Variants in EDA observed in about 807,000 individuals in gnomAD.
The protein encoded by EDA is ectodysplasin-A.
In EDA, 2 loss-of-function variants were observed where a neutral mutation model predicts 23.6. That is an observed-to-expected ratio of 0.08 (90% CI 0.03 to 0.27). The LOEUF is 0.27. Among genes scored for constraint, EDA ranks in the 10% least tolerant of loss-of-function variants. EDA has a pLI of 1.00. For synonymous variants in EDA, 131 were observed against 132.0 expected, an observed-to-expected ratio of 0.99 and a Z score of 0.05; for missense variants, 229 against 324.2, an observed-to-expected ratio of 0.71 and a Z score of 2.26.
rs779485359 is a variant in EDA at position 69,851,701 on chromosome X, C to T, written c.397-105326C>T. 3.6e-5 allele frequency among the ~76,000 whole-genome samples: 4 copies of T among 111,928 alleles called. No individual in the cohort carries two copies. The South Asian group carries it at 1.5e-3, about 42-fold the overall frequency. Reference sequence around the variant, plus strand: ...TAGTTCCAAGAACTTTTATTTCTCCCTTTTATACAACTGGAAATGAAGGCA... The same window carrying T: ...TAGTTCCAAGAACTTTTATTTCTCCTTTTTATACAACTGGAAATGAAGGCA... On this transcript the variant is annotated intron_variant, in intron 1 of 7. Transcript: ENST00000374552.
At chrX:69,777,066 G>T (rs1375548006) in intron 1 of EDA, among the ~76,000 whole-genome samples, 2 of 110,888 alleles carry the variant, frequency 1.8e-5, no homozygotes, top group Non-Finnish European at 3.8e-5. Context: ...TTTAGTCAGG[G>T]ATTATTTTCC....
chrX:69,821,367 C>G (rs1341875666), intron 1 of EDA, among the ~76,000 whole-genome samples: 3 of 109,925 alleles, frequency 2.7e-5, no homozygotes, highest in African/African-American at 1.0e-4. Context: ...TGTAACAAAC[C>G]TGCACATCCT....
intron 1 of EDA, among the ~76,000 whole-genome samples, chrX:69,940,998 T>C (rs2018749642): frequency 8.9e-6 from 1 of 111,927 alleles, no homozygotes; most frequent in Non-Finnish European, 1.9e-5. Flanking sequence ...CAAGAAATTT[T>C]TTAATTTCCT....
intron 1 of EDA, among the ~76,000 whole-genome samples, chrX:69,700,964 G>A (rs1050151353): frequency 6.3e-5 from 7 of 110,816 alleles, no homozygotes; most frequent in African/African-American, 1.6e-4. Flanking sequence ...AAGAAAGAGC[G>A]AGTGAAGGAA....
intron 1 of EDA, among the ~76,000 whole-genome samples, chrX:69,823,475 T>G (rs1482688207): frequency 1.2e-5 from 1 of 86,040 alleles, no homozygotes; most frequent in African/African-American, 4.9e-5. Context: ...TCATATGTTT[T>G]TTGGCTGCAT....
At position 69,616,642 on chromosome X, in the gene EDA, A is replaced by G; in HGVS notation, c.334A>G (p.Lys112Glu). Residue 112 changes from lysine to glutamate, a missense_variant, in exon 1 of 8, where the codon AAG (lysine) becomes GAG (glutamate). Transcript: ENST00000374552. Reference sequence around the variant, plus strand: ...CAGTCACCTTGGGCAGCCGTCACCTAAGCAGCAGCCATTGGAACCGGGAGA... The same window carrying G: ...CAGTCACCTTGGGCAGCCGTCACCTGAGCAGCAGCCATTGGAACCGGGAGA... ...ITSHLGQPSP[K>E]QQPLEPGEAA... 8.3e-7 allele frequency: 1 copy of G among 1,210,851 alleles called. No individual in the cohort carries two copies. Among genetic ancestry groups the G allele is most frequent in the Admixed American group, 2.2e-5 (1 of 46,059 alleles).
intron 1 of EDA, among the ~76,000 whole-genome samples, chrX:69,818,317 A>C (rs1337257467): frequency 9.0e-6 from 1 of 111,302 alleles, no homozygotes; most frequent in Non-Finnish European, 1.9e-5. Flanking sequence ...AGAACTAGAG[A>C]ACCAAGAGCA....
chrX:69,925,161 G>T (rs1246155097), intron 1 of EDA, among the ~76,000 whole-genome samples: 1 of 111,217 alleles, frequency 9.0e-6, no homozygotes, highest in Non-Finnish European at 1.9e-5. Flanking sequence ...TTGCCTGATT[G>T]CCCTGGCCAC....
intron 1 of EDA, among the ~76,000 whole-genome samples, chrX:69,673,480 C>A (rs772996010): frequency 9.0e-6 from 1 of 111,022 alleles, no homozygotes; most frequent in East Asian, 2.8e-4. Context: ...AGTTAAGGAA[C>A]GGAAAGGTCA....
At chrX:69,832,777 A>G (rs2016651366) in intron 1 of EDA, among the ~76,000 whole-genome samples, 1 of 111,171 alleles carries the variant, frequency 9.0e-6, no homozygotes, top group Non-Finnish European at 1.9e-5. Flanking sequence ...TTGGATTCCT[A>G]GGTATTTTAT....
At chrX:70,008,731 G>A (rs2091476356) in intron 2 of EDA, among the ~76,000 whole-genome samples, 1 of 110,618 alleles carries the variant, frequency 9.0e-6, no homozygotes, top group South Asian at 3.9e-4. Flanking sequence ...TAGATTTGGG[G>A]GTACATGTGC....
intron 1 of EDA, among the ~76,000 whole-genome samples, chrX:69,707,691 A>G (rs747314591): frequency 9.0e-6 from 1 of 111,617 alleles, no homozygotes; most frequent in African/African-American, 3.2e-5. Flanking sequence ...CACAGGTTCT[A>G]TATCCATAAT....
In EDA at chrX:69,714,172, A is replaced by G. The variant is rs145462123; in HGVS notation, c.396+97468A>G. Reference sequence around the variant, plus strand: ...TTTAATTTCCCTGATGGCTAATAATATTGAACATCTTTTCATGTATTGATC... The same window carrying G: ...TTTAATTTCCCTGATGGCTAATAATGTTGAACATCTTTTCATGTATTGATC... On this transcript the variant is annotated intron_variant, in intron 1 of 7. Transcript: ENST00000374552. Among the ~76,000 whole-genome samples the G allele has an allele frequency of 6.5e-3, 720 of 111,252 alleles. 1 individual carries two copies. Among genetic ancestry groups the G allele is most frequent in the Middle Eastern group, 0.014 (3 of 218 alleles).
At chrX:69,911,147 C>T (rs1489251465) in intron 1 of EDA, among the ~76,000 whole-genome samples, 4 of 111,970 alleles carry the variant, frequency 3.6e-5, no homozygotes, top group African/African-American at 1.3e-4. Context: ...TATAAACCCT[C>T]TCTCCCCTGC....
chrX:69,621,749 T>G (rs1026872707), intron 1 of EDA, among the ~76,000 whole-genome samples: 58 of 111,266 alleles, frequency 5.2e-4, no homozygotes, highest in African/African-American at 1.7e-3. Flanking sequence ...TTTGTATTTT[T>G]TGTGTGTGTG....
At chrX:69,769,903 G>A (rs780240553) in intron 1 of EDA, among the ~76,000 whole-genome samples, 2 of 111,096 alleles carry the variant, frequency 1.8e-5, no homozygotes, top group Non-Finnish European at 3.8e-5. Context: ...GTGTAAAAAG[G>A]CAACATGATG....
intron 1 of EDA, among the ~76,000 whole-genome samples, chrX:69,842,947 T>G (rs983543187): frequency 1.8e-5 from 2 of 111,784 alleles, no homozygotes; most frequent in African/African-American, 3.3e-5. Context: ...GCTTCATGCT[T>G]CCTGTACAAG....
intron 1 of EDA, among the ~76,000 whole-genome samples, chrX:69,802,954 A>C (rs942829358): frequency 4.5e-5 from 5 of 111,872 alleles, no homozygotes; most frequent in Non-Finnish European, 7.5e-5. Context: ...AGGCCTACAT[A>C]GAAGGTTCTA....
At chrX:69,806,155 C>T (rs1410345409) in intron 1 of EDA, among the ~76,000 whole-genome samples, 1 of 111,593 alleles carries the variant, frequency 9.0e-6, no homozygotes, top group Middle Eastern at 4.2e-3. Context: ...TATTATATTT[C>T]TATTGTACCA....
Sources: allele counts gnomAD v4.1 joint callset (sites outside exome capture counted in the v4.1 genomes callset), GRCh38; gene constraint gnomAD v4.1.1; transcripts MANE v1.5; gene names NCBI Gene and HGNC (gene_info 2026-07-23, HGNC 2026-07-21).